The following OR51B5 variants were observed in gnomAD, a reference collection of about 807,000 sequenced individuals.
The protein encoded by OR51B5 is olfactory receptor 51B5.
For missense variants in OR51B5, 456 were observed against 374.6 expected (o/e 1.22, Z -1.79); for synonymous variants, 186 against 144.8 (o/e 1.28, Z -2.04).
chr11:5,451,675 A>G (rs1850851286), intron 1 of OR51B5, among the ~76,000 whole-genome samples: 1 of 152,204 alleles, frequency 6.6e-6, no homozygotes, highest in Admixed American at 6.5e-5. Context: ...TTACTTTTAG[A>G]TACCTCATAT....
intron 1 of OR51B5, among the ~76,000 whole-genome samples, chr11:5,416,781 T>C (rs1203040977): frequency 6.8e-6 from 1 of 146,552 alleles, no homozygotes; most frequent in Non-Finnish European, 1.5e-5. Flanking sequence ...TAAAAGAGGA[T>C]AAAAACAAAT....
intron 1 of OR51B5, among the ~76,000 whole-genome samples, chr11:5,410,426 C>T (rs969229006): frequency 2.0e-5 from 3 of 151,994 alleles, no homozygotes; most frequent in Non-Finnish European, 4.4e-5. Flanking sequence ...AATTTGTTAT[C>T]TACGAGATAA....
At position 5,452,504 on chromosome 11, in the gene OR51B5, C is replaced by CAAAAAA. The variant is rs56677841; in HGVS notation, n.84+53059_84+53064dup. The stretch of plus-strand genomic sequence containing the variant: ...TGGGCAAAAGAGAGAGACTCTGTCT[C>CAAAAAA]AAAAAAAAAAAAAAAAAAAAAAAAA... On this transcript the variant is annotated intron_variant and non_coding_transcript_variant, in intron 1 of 4. Transcript: ENST00000415970. Among the ~76,000 whole-genome samples the CAAAAAA allele has an allele frequency of 7.9e-4, 55 of 69,204 alleles. 2 individuals are homozygous for CAAAAAA. The highest frequency in any genetic ancestry group is 1.5e-3 in the East Asian group (2 of 1,374). 45.4% of individuals were successfully genotyped at this position (69,204 alleles called of 152,430 possible).
chr11:5,448,982 G>A (rs939540106), intron 1 of OR51B5, among the ~76,000 whole-genome samples: 7 of 152,212 alleles, frequency 4.6e-5, no homozygotes, highest in Admixed American at 1.3e-4. Flanking sequence ...GACAAGAAGA[G>A]TAAAAATAGT....
At chr11:5,420,459 A>C (rs1850316130) in intron 1 of OR51B5, among the ~76,000 whole-genome samples, 1 of 151,960 alleles carries the variant, frequency 6.6e-6, no homozygotes, top group African/African-American at 2.4e-5. Context: ...AGTTTTTCTT[A>C]ATCTATTGTA....
intron 1 of OR51B5, among the ~76,000 whole-genome samples, chr11:5,418,578 G>C (rs1328362090): frequency 6.6e-5 from 10 of 152,050 alleles, no homozygotes; most frequent in Admixed American, 6.6e-4. Flanking sequence ...GTCTCTTGCA[G>C]GGACATGCAT....
chr11:5,374,783 A>T (rs2133710849), intron 1 of OR51B5, among the ~76,000 whole-genome samples: 1 of 152,254 alleles, frequency 6.6e-6, no homozygotes, highest in Non-Finnish European at 1.5e-5. Flanking sequence ...AGTTTAGAGA[A>T]AAAAGAATAA....
intron 1 of OR51B5, among the ~76,000 whole-genome samples, chr11:5,409,508 TA>T (rs5789399): frequency 0.79 from 120,481 of 151,780 alleles, 48,679 homozygotes; most frequent in South Asian, 0.88. Context: ...ATTCTAGAAC[TA>T]AAAAAAAATC....
chr11:5,382,865 G>C (rs570485615), intron 1 of OR51B5, among the ~76,000 whole-genome samples: 21 of 152,158 alleles, frequency 1.4e-4, no homozygotes, highest in Non-Finnish European at 2.6e-4. Flanking sequence ...CTCTGTCCTG[G>C]TTTTAGATCT....
At chr11:5,380,296 G>A (rs570757471) in intron 1 of OR51B5, among the ~76,000 whole-genome samples, 2 of 152,268 alleles carry the variant, frequency 1.3e-5, no homozygotes, top group East Asian at 1.9e-4. Context: ...GAGGCAGGGG[G>A]ATGGACAAAA....
chr11:5,455,160 A>G (rs1174437092), intron 1 of OR51B5: 2 of 152,170 alleles, frequency 1.3e-5, no homozygotes, highest in South Asian at 2.1e-4. Context: ...TTATCTGCCC[A>G]CCACTCAATC....
At chr11:5,358,717 T>C (rs1157241819) in intron 1 of OR51B5, among the ~76,000 whole-genome samples, 1 of 152,018 alleles carries the variant, frequency 6.6e-6, no homozygotes, top group Non-Finnish European at 1.5e-5. Context: ...CCAATATCCC[T>C]GATGGACATC....
chr11:5,410,569 C>T (rs1174614084), intron 1 of OR51B5, among the ~76,000 whole-genome samples: 9 of 152,050 alleles, frequency 5.9e-5, no homozygotes. Context: ...ATTTACTATA[C>T]TTTACTTTTA....
At chr11:5,480,536 A>G (rs1851402009) in intron 1 of OR51B5, among the ~76,000 whole-genome samples, 1 of 150,992 alleles carries the variant, frequency 6.6e-6, no homozygotes. Flanking sequence ...ATAGAGACAC[A>G]AAAAACCCTT....
chr11:5,415,316 G>C (rs916716607), intron 1 of OR51B5, among the ~76,000 whole-genome samples: 3 of 150,788 alleles, frequency 2.0e-5, no homozygotes, highest in African/African-American at 7.3e-5. Flanking sequence ...GCCCACAAGA[G>C]AAAGCAGGAA....
At chr11:5,445,685 C>T (rs1398347214) in intron 1 of OR51B5, among the ~76,000 whole-genome samples, 1 of 150,694 alleles carries the variant, frequency 6.6e-6, no homozygotes, top group African/African-American at 2.4e-5. Context: ...ACAACAAAGC[C>T]AATGCATTTA....
At chr11:5,363,351 T>TG (rs1554934841) in intron 1 of OR51B5, among the ~76,000 whole-genome samples, 8 of 23,344 alleles carry the variant, frequency 3.4e-4, no homozygotes, top group Non-Finnish European at 6.4e-4. Flanking sequence ...CAGTTTTTTT[T>TG]GGTTTTTGTT....
intron 1 of OR51B5, among the ~76,000 whole-genome samples, chr11:5,405,049 G>T (rs1300200320): frequency 6.6e-6 from 1 of 152,162 alleles, no homozygotes; most frequent in Admixed American, 6.5e-5. Context: ...AAAGAGGCAA[G>T]CATCCTCTTT....
At position 5,379,013 on chromosome 11, in the gene OR51B5, G is replaced by C. The variant is rs532285593; in HGVS notation, n.85-32103C>G. The stretch of plus-strand genomic sequence containing the variant: ...TGCTGCTATAAAGACACATGCACAC[G>C]TATGTTTATTGCGGTACTATTCACA... On this transcript the variant is annotated intron_variant and non_coding_transcript_variant, in intron 1 of 4. Coordinates refer to the OR51B5 transcript ENST00000415970. 6.7e-3 allele frequency among the ~76,000 whole-genome samples: 1,015 copies of C among 150,756 alleles called. 10 individuals are homozygous for C. The highest frequency in any genetic ancestry group is 0.024 in the African/African-American group (962 of 40,758).
Sources: gnomAD v4.1 joint callset for allele counts (sites outside exome capture counted in the v4.1 genomes callset) on GRCh38, gnomAD v4.1.1 for gene constraint, MANE v1.5 for transcripts, NCBI Gene and HGNC (gene_info 2026-07-23, HGNC 2026-07-21) for gene names.